The following MUSK variants were observed in gnomAD, a reference collection of about 807,000 sequenced individuals.
MUSK encodes the protein muscle, skeletal receptor tyrosine-protein kinase.
In MUSK, 55 loss-of-function variants were observed where a neutral mutation model predicts 88.7. The ratio of observed to expected loss-of-function variants is 0.62; its 90% CI spans 0.50 to 0.78. MUSK has a LOEUF of 0.78. MUSK is among the 30% of genes least tolerant of loss of function. The probability of loss-of-function intolerance (pLI) is 0.00; values close to 1 mark genes in which losing one functional copy is unlikely to be tolerated. For missense variants in MUSK, 1,015 were observed against 1,074.3 expected (o/e 0.94, Z 0.77); for synonymous variants, 387 against 391.9 (o/e 0.99, Z 0.15).
intron 3 of MUSK, among the ~76,000 whole-genome samples, chr9:110,694,403 A>G (rs1338523241): frequency 7.5e-6 from 1 of 132,596 alleles, no homozygotes; most frequent in East Asian, 2.1e-4. Flanking sequence ...AAAAAAAAAA[A>G]AAACAAAAAA....
At chr9:110,685,794 A>G (rs2076187976) in intron 2 of MUSK, among the ~76,000 whole-genome samples, 1 of 152,178 alleles carries the variant, frequency 6.6e-6, no homozygotes, top group Non-Finnish European at 1.5e-5. Flanking sequence ...CCTCAGGAGC[A>G]GAATCATTAA....
chr9:110,682,744 A>C lies in MUSK; in HGVS notation c.150A>C (p.Ala50=). 1 of 1,612,930 alleles carries C rather than the reference A, an allele frequency of 6.2e-7. No individual in the cohort carries two copies. The highest frequency in any genetic ancestry group is 8.5e-7 in the Non-Finnish European group (1 of 1,179,090). Reference sequence around the variant, plus strand: ...AAGAAGTGGCTACTTTCATGTGTGCAGTGGAATCCTACCCCCAGCCTGAGA... The same window carrying C: ...AAGAAGTGGCTACTTTCATGTGTGCCGTGGAATCCTACCCCCAGCCTGAGA... ...LVEEVATFMC[A]VESYPQPEIS... The change falls in exon 2 of 15, where the codon GCA becomes GCC. Residue 50 remains alanine, a synonymous_variant. Transcript: ENST00000374448.
intron 6 of MUSK, among the ~76,000 whole-genome samples, chr9:110,747,283 C>A (rs2077185240): frequency 6.6e-6 from 1 of 152,186 alleles, no homozygotes; most frequent in Non-Finnish European, 1.5e-5. Flanking sequence ...GATAAACGGG[C>A]CAGGTGTGTT....
At chr9:110,777,138 A>G (rs1159204516) in intron 11 of MUSK, among the ~76,000 whole-genome samples, 1 of 152,082 alleles carries the variant, frequency 6.6e-6, no homozygotes, top group Non-Finnish European at 1.5e-5. Context: ...GATCAAATCA[A>G]ATGGCTTTAA....
At chr9:110,776,553 C>A in intron 10 of MUSK, 79 bp from the exon 11 acceptor site, 1 of 1,166,832 alleles carries the variant, frequency 8.6e-7, no homozygotes, top group Non-Finnish European at 1.3e-6. Flanking sequence ...ACTTGCATTT[C>A]TTAGCACTCA....
chr9:110,680,730 G>A (rs987814808), intron 1 of MUSK, among the ~76,000 whole-genome samples: 6 of 150,546 alleles, frequency 4.0e-5, no homozygotes, highest in Admixed American at 6.7e-5. Context: ...GGGTACTTTC[G>A]ACCTTAATAT....
chr9:110,771,651 G>A (rs2077577127), intron 9 of MUSK, among the ~76,000 whole-genome samples: 1 of 151,996 alleles, frequency 6.6e-6, no homozygotes, highest in Non-Finnish European at 1.5e-5. Flanking sequence ...AAGTAGGTAG[G>A]GTCAAGCTCC....
At chr9:110,789,427 T>G (rs974684610) in intron 14 of MUSK, among the ~76,000 whole-genome samples, 1 of 152,222 alleles carries the variant, frequency 6.6e-6, no homozygotes, top group Non-Finnish European at 1.5e-5. Context: ...TTGGCTGAGT[T>G]GAGGAATACT....
At chr9:110,670,475 G>A (rs2075942962) in intron 1 of MUSK, among the ~76,000 whole-genome samples, 1 of 152,032 alleles carries the variant, frequency 6.6e-6, no homozygotes, top group Non-Finnish European at 1.5e-5. Context: ...ATAAGGATTT[G>A]TTGTACACAC....
At chr9:110,671,057 C>T (rs959852139) in intron 1 of MUSK, among the ~76,000 whole-genome samples, 3 of 152,028 alleles carry the variant, frequency 2.0e-5, no homozygotes, top group Non-Finnish European at 4.4e-5. Context: ...CTGCAACCTC[C>T]TCCTCCCAGG....
Position 110,668,961 on chromosome 9 carries a change from C to T in MUSK, c.57C>T (p.Ser19=), listed in dbSNP as rs750615817. Reference sequence around the variant, plus strand: ...ATATTCTTACTCTGGTTGCCTTCAGCGGAACTGAGAAACTTCCAAAAGGTT... The same window carrying T: ...ATATTCTTACTCTGGTTGCCTTCAGTGGAACTGAGAAACTTCCAAAAGGTT... ...LVHILTLVAF[S]GTEKLPKAPV... The change falls in exon 1 of 15, where the codon AGC becomes AGT. Residue 19 remains serine, a synonymous_variant. Coordinates refer to ENST00000374448, the MANE Select transcript of MUSK (RefSeq NM_005592.4). The T allele has an allele frequency of 1.9e-5, 31 of 1,613,634 alleles. No individual in the cohort carries two copies. In the East Asian group the frequency reaches 3.1e-4, roughly 16 times the overall value.
At chr9:110,682,370 A>G (rs2076145127) in intron 1 of MUSK, among the ~76,000 whole-genome samples, 2 of 121,046 alleles carry the variant, frequency 1.7e-5, no homozygotes, top group South Asian at 5.0e-4. Flanking sequence ...TCATAATTTT[A>G]TATTTTTTCT....
intron 1 of MUSK, among the ~76,000 whole-genome samples, chr9:110,671,193 A>G (rs573290033): frequency 4.6e-5 from 7 of 152,196 alleles, no homozygotes; most frequent in African/African-American, 1.7e-4. Context: ...GATGGTCTCC[A>G]TCTCTTGACC....
rs538416054 is a variant in MUSK, at chr9:110,804,542, A to G, written c.*3554A>G. Among the ~76,000 whole-genome samples, 1 of 151,984 alleles carries G rather than the reference A, an allele frequency of 6.6e-6. No homozygotes were observed. The highest frequency in any genetic ancestry group is 1.9e-4 in the East Asian group (1 of 5,178). On this transcript the variant is annotated 3_prime_UTR_variant, in exon 15 of 15. Transcript: ENST00000374448. ...TGTTCCTAGGTCATTAACAGTTTTT[A>G]TTTTGGCAATTGTCTACAGCCCATT...
chr9:110,770,205 CATT>C (rs1168990463), intron 9 of MUSK, among the ~76,000 whole-genome samples: 3 of 149,976 alleles, frequency 2.0e-5, no homozygotes, highest in Non-Finnish European at 3.0e-5. Flanking sequence ...ATTGTTTACT[CATT>C]ATATAATTAT....
intron 4 of MUSK, among the ~76,000 whole-genome samples, chr9:110,696,792 G>A (rs1167733680): frequency 6.6e-6 from 1 of 151,908 alleles, no homozygotes; most frequent in East Asian, 1.9e-4. Context: ...AAAGCAATGT[G>A]TTTATTTATT....
rs1463927823 is a variant in MUSK at position 110,800,519 on chromosome 9, C to G, written c.2141C>G (p.Ala714Gly). Residue 714 changes from alanine (A) to glycine (G), a missense_variant, in exon 15 of 15, where the codon GCT (alanine) becomes GGT (glycine). Coordinates refer to ENST00000374448, the MANE Select transcript of MUSK (RefSeq NM_005592.4). ...GCCAGGCAGGTGGCAGCTGGCATGGCTTACCTCTCAGAACGTAAGTTTGTT... is the reference window on the plus strand; with the variant it reads ...GCCAGGCAGGTGGCAGCTGGCATGGGTTACCTCTCAGAACGTAAGTTTGTT... ...CIARQVAAGM[A>G]YLSERKFVHR... is the part of the protein sequence containing the mutation. 1 of 1,613,812 alleles carries G rather than the reference C, an allele frequency of 6.2e-7. No homozygotes were observed. The highest frequency in any genetic ancestry group is 1.3e-5 in the African/African-American group (1 of 74,892).
intron 8 of MUSK, among the ~76,000 whole-genome samples, chr9:110,764,304 A>G (rs2077442466): frequency 6.6e-6 from 1 of 152,190 alleles, no homozygotes; most frequent in Admixed American, 6.5e-5. Flanking sequence ...GGGTCTTGTC[A>G]CTTACAAAAG....
chr9:110,761,903 T>C lies in MUSK; in HGVS notation c.914-299T>C. The C allele has an allele frequency of 3.0e-6, 3 of 985,336 alleles. No homozygotes were observed. In the South Asian group the frequency reaches 1.4e-4, roughly 46 times the overall value. 61.0% of individuals were successfully genotyped at this position (985,336 alleles called of 1,614,324 possible). On this transcript the variant is annotated intron_variant, in intron 7 of 14. Transcript: ENST00000374448. ...TCTTGATTTCTTAATGTAAAGTCCC[T>C]GGGTAGCTAATGGAGGGAAATTCTG...
Sources: gnomAD v4.1 joint callset for allele counts (sites outside exome capture counted in the v4.1 genomes callset) on GRCh38, gnomAD v4.1.1 for gene constraint, MANE v1.5 for transcripts, NCBI Gene and HGNC (gene_info 2026-07-23, HGNC 2026-07-21) for gene names.